The following PLCG2 variants were observed in gnomAD, a reference collection of about 807,000 sequenced individuals.
The protein encoded by PLCG2 is phospholipase C gamma 2.
PLCG2 carries 69 observed loss-of-function variants against 175.6 expected under a neutral mutation model. That is an observed-to-expected ratio of 0.39 (90% confidence interval 0.32 to 0.48). The LOEUF (loss-of-function observed/expected upper bound fraction) is 0.48, where lower values mean the gene tolerates loss of function less well. Ranked by LOEUF, PLCG2 falls within the 20% of genes least tolerant of loss-of-function variation. The pLI is 0.91. For missense variants in PLCG2, 1,798 were observed against 1,650.9 expected, an observed-to-expected ratio of 1.09 and a Z score of -1.54; for synonymous variants, 827 against 624.0, an observed-to-expected ratio of 1.33 and a Z score of -4.85.
chr16:81,859,999 C>G (rs906318782), intron 5 of PLCG2, among the ~76,000 whole-genome samples: 1 of 151,974 alleles, frequency 6.6e-6, no homozygotes, highest in Non-Finnish European at 1.5e-5. Flanking sequence ...GAGGCAGGGT[C>G]TCTGTCTGTT....
At chr16:81,819,849 G>A (rs1248094992) in intron 2 of PLCG2, among the ~76,000 whole-genome samples, 1 of 152,198 alleles carries the variant, frequency 6.6e-6, no homozygotes, top group Non-Finnish European at 1.5e-5. Flanking sequence ...CTCCCAAAGT[G>A]CTGGGATTAC....
At chr16:81,858,725 C>T (rs574979398) in intron 4 of PLCG2, among the ~76,000 whole-genome samples, 1 of 152,190 alleles carries the variant, frequency 6.6e-6, no homozygotes, top group Non-Finnish European at 1.5e-5. Flanking sequence ...ACCTATCACT[C>T]CCTCCTGGGT....
chr16:81,759,122 T>A (rs987781795), intron 2 of PLCG2, among the ~76,000 whole-genome samples: 5 of 152,230 alleles, frequency 3.3e-5, no homozygotes, highest in Non-Finnish European at 7.3e-5. Flanking sequence ...CCATTTGGAT[T>A]CTTTACCCAC....
chr16:81,962,228 G>A lies in PLCG2; in HGVS notation c.*4230G>A, dbSNP rs200790127. 3.7e-5 allele frequency: 7 copies of A among 190,516 alleles called. No individual in the cohort carries two copies. In the East Asian group the frequency reaches 5.9e-4, roughly 16 times the overall value. 11.8% of individuals were successfully genotyped at this position (190,516 alleles called of 1,614,324 possible). A position where few individuals can be genotyped will look rare whatever the true frequency, so the allele number is the denominator to read the frequency against. ...TGGAAGCAAAAAGGATGGCTAAAAA[G>A]GACCTCAACCCTTTTGACTTTAAAA... On this transcript the variant is annotated 3_prime_UTR_variant, in exon 33 of 33. Transcript: ENST00000564138.
At chr16:81,847,659 C>A (rs1198677670) in intron 2 of PLCG2, among the ~76,000 whole-genome samples, 3 of 151,992 alleles carry the variant, frequency 2.0e-5, no homozygotes, top group Non-Finnish European at 4.4e-5. Context: ...AAGCTATGGT[C>A]GATTGAAAAT....
At chr16:81,814,870 T>C (rs1047192314) in intron 2 of PLCG2, among the ~76,000 whole-genome samples, 6 of 152,102 alleles carry the variant, frequency 3.9e-5, no homozygotes, top group African/African-American at 1.2e-4. Flanking sequence ...CCTCTCCCCA[T>C]AGAGTTGGGA....
At chr16:81,955,887 G>A (rs1209915883) in intron 31 of PLCG2, among the ~76,000 whole-genome samples, 1 of 152,090 alleles carries the variant, frequency 6.6e-6, no homozygotes, top group Non-Finnish European at 1.5e-5. Context: ...TGGCTTTTTT[G>A]GGTAACAGCT....
chr16:81,818,883 A>ATTTTTTTTTTTTTTTTTTTTTTTT (rs57346304), intron 2 of PLCG2, among the ~76,000 whole-genome samples: 2 of 106,644 alleles, frequency 1.9e-5, no homozygotes, highest in African/African-American at 4.0e-5. Context: ...GGGCTCATGG[A>ATTTTTTTTTTTTTTTTTTTTTTTT]TTTTTTTTTT....
At chr16:81,800,766 C>T (rs1911684129) in intron 2 of PLCG2, among the ~76,000 whole-genome samples, 1 of 152,044 alleles carries the variant, frequency 6.6e-6, no homozygotes. Flanking sequence ...ATCCCTGGAG[C>T]CTGTGAATAT....
intron 2 of PLCG2, among the ~76,000 whole-genome samples, chr16:81,789,797 C>G (rs576331240): frequency 6.8e-4 from 104 of 152,000 alleles, no homozygotes; most frequent in African/African-American, 2.4e-3. Flanking sequence ...TCTCCCTCCT[C>G]TTCTCCCTCC....
At chr16:81,774,177 CAAAAAAAAAAAA>C (rs57503150) in intron 2 of PLCG2, among the ~76,000 whole-genome samples, 6 of 40,544 alleles carry the variant, frequency 1.5e-4, no homozygotes, top group South Asian at 1.7e-3. Context: ...ACTAAAAATA[CAAAAAAAAAAAA>C]AAAAAAAAAA....
rs1032223462 is a variant in PLCG2, at chr16:81,901,073, A to G, written c.1362+293A>G. 1.3e-5 allele frequency among the ~76,000 whole-genome samples: 2 copies of G among 152,250 alleles called. 1 individual carries two copies. Among genetic ancestry groups the G allele is most frequent in the South Asian group, 4.1e-4 (2 of 4,836 alleles). On this transcript the variant is annotated intron_variant, in intron 14 of 32. Transcript: ENST00000564138. The stretch of plus-strand genomic sequence containing the variant: ...CAGAATGCGTGCAACTGCGCCTGTC[A>G]TGTGGTTGGTGCTACGTTAAGTGCT...
At chr16:81,825,426 C>T (rs1442315160) in intron 2 of PLCG2, among the ~76,000 whole-genome samples, 2 of 151,752 alleles carry the variant, frequency 1.3e-5, no homozygotes, top group Non-Finnish European at 2.9e-5. Context: ...GTAGCTGGGA[C>T]TACAGGCATG....
chr16:81,917,863 A>G (rs1909905845), intron 19 of PLCG2, among the ~76,000 whole-genome samples: 2 of 152,010 alleles, frequency 1.3e-5, no homozygotes, highest in African/African-American at 2.4e-5. Context: ...CTGGGACTAC[A>G]GGTGCCCGCC....
chr16:81,798,646 G>C (rs1014839594), intron 2 of PLCG2: 1 of 152,426 alleles, frequency 6.6e-6, no homozygotes, highest in East Asian at 1.9e-4. Flanking sequence ...GTAGGCGTGA[G>C]TTTTGGGAGG....
Position 81,889,305 on chromosome 16 carries a change from G to A in PLCG2, c.867+32G>A. ...AGGCTGGGCTTGTTGTCGCTTGGGGGTGACTTTTTGATTGATGTCTGTGCT... is the reference window on the plus strand; with the variant it reads ...AGGCTGGGCTTGTTGTCGCTTGGGGATGACTTTTTGATTGATGTCTGTGCT... On this transcript the variant is annotated intron_variant, in intron 10 of 32. Transcript: ENST00000564138. The A allele has an allele frequency of 1.6e-6, 2 of 1,225,346 alleles. 1 individual carries two copies. Among genetic ancestry groups the A allele is most frequent in the South Asian group, 2.5e-5 (2 of 78,482 alleles). 75.9% of individuals were successfully genotyped at this position (1,225,346 alleles called of 1,614,324 possible).
chr16:81,861,330 C>A (rs1017881178), intron 5 of PLCG2, among the ~76,000 whole-genome samples: 3 of 152,214 alleles, frequency 2.0e-5, no homozygotes, highest in Non-Finnish European at 4.4e-5. Context: ...ATCTTTCCAT[C>A]TTGAAGGTGA....
At chr16:81,941,956 G>C (rs1046539532) in intron 30 of PLCG2, among the ~76,000 whole-genome samples, 2 of 152,146 alleles carry the variant, frequency 1.3e-5, no homozygotes, top group African/African-American at 4.8e-5. Context: ...GCACTGATCA[G>C]GGCTGTGATT....
intron 19 of PLCG2, among the ~76,000 whole-genome samples, chr16:81,917,279 A>C (rs1391986227): frequency 6.8e-6 from 1 of 147,700 alleles, no homozygotes; most frequent in Non-Finnish European, 1.5e-5. Flanking sequence ...TAAATGTACC[A>C]CATTTTCTTT....
Sources: gnomAD v4.1 joint callset for allele counts (sites outside exome capture counted in the v4.1 genomes callset) on GRCh38, gnomAD v4.1.1 for gene constraint, MANE v1.5 for transcripts, NCBI Gene and HGNC (gene_info 2026-07-23, HGNC 2026-07-21) for gene names.